KIF16B: variants seen among roughly 807,000 people sequenced by gnomAD.
KIF16B encodes kinesin-like protein KIF16B.
A neutral mutation model predicts 156.3 loss-of-function variants in KIF16B; 98 were observed. That is an observed-to-expected ratio of 0.63 (90% confidence interval 0.53 to 0.74). The LOEUF (loss-of-function observed/expected upper bound fraction) is 0.74, where lower values mean the gene tolerates loss of function less well. Among genes scored for constraint, KIF16B ranks in the 30% least tolerant of loss-of-function variants. KIF16B has a pLI of 0.00. For missense variants in KIF16B, 1,421 were observed against 1,606.5 expected (o/e 0.88, Z 1.97); for synonymous variants, 564 against 583.7 (o/e 0.97, Z 0.49).
chr20:16,453,024 A>G (rs763841667), intron 12 of KIF16B, among the ~76,000 whole-genome samples: 1 of 152,036 alleles, frequency 6.6e-6, no homozygotes, highest in Non-Finnish European at 1.5e-5. Context: ...CATATTTCAC[A>G]TGGGATTAAC....
intron 25 of KIF16B, among the ~76,000 whole-genome samples, chr20:16,307,091 T>C (rs941563909): frequency 6.6e-6 from 1 of 152,220 alleles, no homozygotes; most frequent in African/African-American, 2.4e-5. Flanking sequence ...TTTCAGCTGC[T>C]GGCTGCTCCA....
chr20:16,334,158 T>A (rs926632971), intron 24 of KIF16B, among the ~76,000 whole-genome samples: 3 of 152,238 alleles, frequency 2.0e-5, no homozygotes, highest in African/African-American at 7.2e-5. Context: ...TGTGTGTGTA[T>A]ATAAAGTCTG....
rs779719255 is a variant in KIF16B at position 16,379,524 on chromosome 20, G to A, written c.2478C>T (p.Phe826=). 4 of 1,614,074 alleles carry A rather than the reference G, an allele frequency of 2.5e-6. No individual in the cohort carries two copies. The highest frequency in any genetic ancestry group is 2.2e-5 in the South Asian group (2 of 91,072). Residue 826 remains phenylalanine, a synonymous_variant, in exon 19 of 26, where the codon TTC becomes TTT. Transcript: ENST00000354981. ...TGACAAGCTGCCTTCTCTTGAATTC[G>A]AAGAAACGCAGTTGAGCCTTTTCTA... ...EELEKAQLRF[F]EFKRRQLVKL... is the part of the protein sequence containing the mutation.
At chr20:16,338,612 G>A (rs1399203356) in intron 23 of KIF16B, among the ~76,000 whole-genome samples, 3 of 152,116 alleles carry the variant, frequency 2.0e-5, no homozygotes, top group South Asian at 2.1e-4. Flanking sequence ...CCTCAAATCT[G>A]TCCCACTCTT....
At chr20:16,568,692 A>G (rs1394347365) in intron 1 of KIF16B, among the ~76,000 whole-genome samples, 1 of 151,770 alleles carries the variant, frequency 6.6e-6, no homozygotes, top group Non-Finnish European at 1.5e-5. Flanking sequence ...GTGTGCACCA[A>G]TAGTCCCAGC....
intron 23 of KIF16B, among the ~76,000 whole-genome samples, chr20:16,349,944 G>C (rs950307476): frequency 6.6e-6 from 1 of 152,176 alleles, no homozygotes; most frequent in African/African-American, 2.4e-5. Context: ...CACTGACTGG[G>C]GTACTTGATA....
At chr20:16,434,591 C>T (rs879294605) in intron 12 of KIF16B, among the ~76,000 whole-genome samples, 8 of 152,234 alleles carry the variant, frequency 5.3e-5, no homozygotes, top group South Asian at 2.1e-4. Flanking sequence ...GTCTGCCCCA[C>T]GTAAATTAAG....
intron 25 of KIF16B, among the ~76,000 whole-genome samples, chr20:16,305,907 A>C (rs904703741): frequency 6.6e-6 from 1 of 152,014 alleles, no homozygotes; most frequent in African/African-American, 2.4e-5. Context: ...TTATCCATTC[A>C]CCCATTAATG....
chr20:16,507,712 G>A (rs2068828219), intron 7 of KIF16B, among the ~76,000 whole-genome samples: 1 of 152,158 alleles, frequency 6.6e-6, no homozygotes, highest in African/African-American at 2.4e-5. Flanking sequence ...TTTATGTCTA[G>A]AACAGGGTGG....
Position 16,493,093 on chromosome 20 carries a change from A to G in KIF16B, c.1302+1198T>C, listed in dbSNP as rs117323495. On this transcript the variant is annotated intron_variant, in intron 12 of 25. Transcript: ENST00000354981. ...GAAAATACTGCAGAAGTACCTCAAA[A>G]TAATATGACATTATCATTGTAATCA... Among the ~76,000 whole-genome samples the G allele has an allele frequency of 5.4e-3, 816 of 152,326 alleles. 4 individuals carry two copies. The highest frequency in any genetic ancestry group is 8.3e-3 in the Non-Finnish European group (566 of 68,028).
intron 24 of KIF16B, among the ~76,000 whole-genome samples, chr20:16,327,162 T>C (rs1227364081): frequency 6.6e-6 from 1 of 151,492 alleles, no homozygotes; most frequent in Non-Finnish European, 1.5e-5. Flanking sequence ...GCAACCTGGA[T>C]GGAATTGGAG....
intron 12 of KIF16B, among the ~76,000 whole-genome samples, chr20:16,433,112 T>G (rs1328411371): frequency 6.6e-6 from 1 of 152,164 alleles, no homozygotes; most frequent in Non-Finnish European, 1.5e-5. Flanking sequence ...AGAAATGGGA[T>G]GTGATTTTTT....
At chr20:16,454,666 A>T (rs1312779714) in intron 12 of KIF16B, among the ~76,000 whole-genome samples, 1 of 152,044 alleles carries the variant, frequency 6.6e-6, no homozygotes, top group Non-Finnish European at 1.5e-5. Flanking sequence ...AAATGCTGTT[A>T]TTAAGGAAGA....
chr20:16,515,763 T>G (rs544648417), intron 3 of KIF16B, 99 bp from the exon 4 acceptor site: 1 of 685,092 alleles, frequency 1.5e-6, no homozygotes, highest in East Asian at 2.7e-5. Flanking sequence ...CTTTCAGCTC[T>G]TAAGGATTAG....
At chr20:16,288,861 G>A (rs868768239) in intron 25 of KIF16B, among the ~76,000 whole-genome samples, 7 of 149,602 alleles carry the variant, frequency 4.7e-5, no homozygotes, top group African/African-American at 4.9e-5. Context: ...GCATCTGTAT[G>A]GTATGTACCT....
Position 16,273,171 on chromosome 20 carries a change from C to T in KIF16B, c.*82G>A. 4.0e-6 allele frequency: 5 copies of T among 1,245,108 alleles called. No homozygotes were observed. The highest frequency in any genetic ancestry group is 4.7e-6 in the Non-Finnish European group (4 of 859,816). 77.1% of individuals were successfully genotyped at this position (1,245,108 alleles called of 1,614,324 possible). The stretch of plus-strand genomic sequence containing the variant: ...CAGCAGGAGGAGGCAGACCCGGATC[C>T]TCGCATGGGGGAGCTGCCCTGCATC... On this transcript the variant is annotated 3_prime_UTR_variant, in exon 26 of 26. Transcript: ENST00000354981.
Position 16,427,197 on chromosome 20 carries a change from T to A in KIF16B, c.1519A>T (p.Asn507Tyr). Residue 507 changes from asparagine (N) to tyrosine (Y), a missense_variant, in exon 15 of 26, where the codon AAT becomes TAT. By Grantham distance (143) the Asn-to-Tyr change is moderately radical. Transcript: ENST00000354981. ...ATCAGAGTCACTGTCCCCCCGATATTTTCAAAGATGCAATGCTCACTCTCC... is the reference window on the plus strand; with the variant it reads ...ATCAGAGTCACTGTCCCCCCGATATATTCAAAGATGCAATGCTCACTCTCC... ...DLESEHCIFE[N>Y]IGGTVTLIPL... 6.2e-7 allele frequency: 1 copy of A among 1,612,924 alleles called. No individual in the cohort carries two copies.
At position 16,379,105 on chromosome 20, in the gene KIF16B, A is replaced by T; in HGVS notation, c.2897T>A (p.Leu966Gln). ...TTCAAAGGTGGCTTGGAGCTTTTGCAGCTGGTTTGCATTGGCCTGGTACTG... is the reference window on the plus strand; with the variant it reads ...TTCAAAGGTGGCTTGGAGCTTTTGCTGCTGGTTTGCATTGGCCTGGTACTG... ...LAQYQANANQ[L>Q]QKLQATFEFT... Residue 966 changes from leucine (L) to glutamine (Q), a missense_variant, in exon 19 of 26, where the codon CTG becomes CAG. Transcript: ENST00000354981. 6.2e-7 allele frequency: 1 copy of T among 1,612,794 alleles called. No homozygotes were observed. The highest frequency in any genetic ancestry group is 8.5e-7 in the Non-Finnish European group (1 of 1,179,232).
At chr20:16,319,091 A>G (rs1309385275) in intron 24 of KIF16B, among the ~76,000 whole-genome samples, 1 of 152,220 alleles carries the variant, frequency 6.6e-6, no homozygotes, top group Non-Finnish European at 1.5e-5. Context: ...ACTGAAAACA[A>G]GGCAAGTATA....
Sources: gnomAD v4.1 joint callset for allele counts (sites outside exome capture counted in the v4.1 genomes callset) on GRCh38, gnomAD v4.1.1 for gene constraint, MANE v1.5 for transcripts, NCBI Gene and HGNC (gene_info 2026-07-23, HGNC 2026-07-21) for gene names.